Variants in RRAGB observed in about 807,000 individuals in gnomAD.
RRAGB encodes ras-related GTP-binding protein B.
RRAGB carries 6 observed loss-of-function variants against 29.3 expected under a neutral mutation model. The ratio of observed to expected loss-of-function variants is 0.21; its 90% CI spans 0.11 to 0.40. RRAGB has a LOEUF of 0.40. Ranked by LOEUF, RRAGB falls within the 10% of genes least tolerant of loss-of-function variation. The pLI, the probability that RRAGB is intolerant of heterozygous loss-of-function variation, is 1.00. For synonymous variants in RRAGB, 101 were observed against 92.5 expected (o/e 1.09, Z -0.53); for missense variants, 184 against 272.9 (o/e 0.67, Z 2.29).
intron 5 of RRAGB, among the ~76,000 whole-genome samples, chrX:55,740,319 T>G (rs1036673468): frequency 3.4e-4 from 37 of 108,345 alleles, no homozygotes; most frequent in African/African-American, 1.3e-3. Flanking sequence ...CAAGACTCCA[T>G]CTCAAAAAAA....
intron 3 of RRAGB, 93 bp downstream of exon 3, chrX:55,722,378 A>AG (rs1376053283): frequency 1.8e-6 from 1 of 550,649 alleles, no homozygotes; most frequent in East Asian, 3.4e-5. Context: ...GGATGCAGAG[A>AG]GGTTGGGGAA....
intron 5 of RRAGB, among the ~76,000 whole-genome samples, chrX:55,735,212 G>T (rs1213160460): frequency 8.9e-6 from 1 of 111,782 alleles, no homozygotes; most frequent in East Asian, 2.8e-4. Flanking sequence ...GCTGTCCATG[G>T]CGTGTTGTAG....
rs779920220 is a variant in RRAGB at position 55,726,576 on chromosome X, G to A, written c.227-2718G>A. On this transcript the variant is annotated intron_variant, in intron 3 of 9. Transcript: ENST00000374941. ...GGGCTAGGGTGATGATAGTGGATAT[G>A]GTGAGAAGCAAATGGATTTGAGATC... Among the ~76,000 whole-genome samples the A allele has an allele frequency of 9.9e-5, 11 of 111,044 alleles. No homozygotes were observed. In the South Asian group the frequency reaches 4.2e-3, roughly 42 times the overall value.
intron 6 of RRAGB, among the ~76,000 whole-genome samples, chrX:55,752,829 G>T (rs1339612388): frequency 8.9e-6 from 1 of 111,995 alleles, no homozygotes; most frequent in Non-Finnish European, 1.9e-5. Context: ...GAATTCAATT[G>T]GATCAATAAT....
chrX:55,720,894 AAAAG>A (rs777099503), intron 2 of RRAGB, among the ~76,000 whole-genome samples: 37 of 111,593 alleles, frequency 3.3e-4, no homozygotes, highest in Non-Finnish European at 4.0e-4. Flanking sequence ...AATAAAATAA[AAAAG>A]AAAGAACGAA....
At chrX:55,751,235 T>C (rs760036251) in intron 6 of RRAGB, 39 bp downstream of exon 6, 2 of 764,580 alleles carry the variant, frequency 2.6e-6, no homozygotes, top group Admixed American at 3.0e-5. Context: ...TTTAAGAGCA[T>C]GAAAAAAAAC....
intron 5 of RRAGB, among the ~76,000 whole-genome samples, chrX:55,739,508 A>C (rs747010609): frequency 6.3e-5 from 7 of 111,344 alleles, no homozygotes; most frequent in Non-Finnish European, 1.1e-4. Context: ...CACCAAATCA[A>C]CTGCAGTGCT....
In RRAGB at chrX:55,751,131, C is replaced by T. The variant is rs2034511530; in HGVS notation, c.547C>T (p.Arg183Cys). The part of the protein sequence containing the change: ...IFKEREEDLR[R>C]LSRPLECSCF... ...TAAAGAGCGAGAAGAAGATTTGAGG[C>T]GTTTGTCTCGCCCATTGGAATGTTC... The change falls in exon 6 of 10, where the codon CGT becomes TGT. Residue 183 changes from arginine (R) to cysteine (C), a missense_variant. Arg to Cys is a radical substitution (Grantham distance 180). Coordinates refer to ENST00000374941, the MANE Select transcript of RRAGB (RefSeq NM_006064.5). The T allele has an allele frequency of 2.5e-6, 3 of 1,194,941 alleles. No individual in the cohort carries two copies. The highest frequency in any genetic ancestry group is 1.8e-5 in the African/African-American group (1 of 56,778).
chrX:55,733,431 G>A (rs1231391418), intron 5 of RRAGB, among the ~76,000 whole-genome samples: 1 of 112,028 alleles, frequency 8.9e-6, no homozygotes, highest in African/African-American at 3.2e-5. Flanking sequence ...GATGTTGGCT[G>A]TGGGTTTCTC....
chrX:55,723,299 G>A (rs915654653), intron 3 of RRAGB, among the ~76,000 whole-genome samples: 3 of 110,071 alleles, frequency 2.7e-5, no homozygotes, highest in Non-Finnish European at 3.8e-5. Context: ...CCACAACGAC[G>A]CCCAGCTAAT....
At chrX:55,757,356 G>T in intron 9 of RRAGB, 25 bp downstream of exon 9, 1 of 923,838 alleles carries the variant, frequency 1.1e-6, no homozygotes, top group Non-Finnish European at 1.5e-6. Flanking sequence ...AGCTGACCTA[G>T]GTTCAAAGCC....
intron 7 of RRAGB, chrX:55,755,129 T>A: frequency 2.7e-6 from 2 of 750,874 alleles, no homozygotes; most frequent in South Asian, 6.8e-5. Context: ...AAGGGGGATT[T>A]GTTCTTCCAC....
intron 3 of RRAGB, among the ~76,000 whole-genome samples, chrX:55,723,800 C>G (rs761778474): frequency 9.0e-6 from 1 of 110,963 alleles, no homozygotes; most frequent in Non-Finnish European, 1.9e-5. Context: ...TCAGGTGATC[C>G]GCCTGCCTCG....
At chrX:55,730,742 A>G (rs2033648849) in intron 4 of RRAGB, among the ~76,000 whole-genome samples, 1 of 111,934 alleles carries the variant, frequency 8.9e-6, no homozygotes, top group South Asian at 3.7e-4. Flanking sequence ...AATGAAGGAT[A>G]GTAACAGACA....
Position 55,718,206 on chromosome X carries a change from C to A in RRAGB, c.-122C>A. ...AGGCGGAGGCAAGAATAGAGCAGGC[C>A]TGAGGGCCATAGGCGATGAGAATAG... On this transcript the variant is annotated 5_prime_UTR_variant, in exon 1 of 10. The change creates a new upstream start codon in the 5' untranslated region. Coordinates refer to ENST00000374941, the MANE Select transcript of RRAGB (RefSeq NM_006064.5). The A allele has an allele frequency of 2.1e-6, 1 of 481,492 alleles. No individual in the cohort carries two copies. Among genetic ancestry groups the A allele is most frequent in the Non-Finnish European group, 3.4e-6 (1 of 297,886 alleles). The allele number at this position is 481,492 out of a possible 1,213,427, so 39.7% of individuals were successfully genotyped here.
intron 5 of RRAGB, among the ~76,000 whole-genome samples, chrX:55,735,772 C>T (rs746339272): frequency 8.9e-6 from 1 of 112,371 alleles, no homozygotes; most frequent in Non-Finnish European, 1.9e-5. Context: ...ATATTTAGAA[C>T]TCCTTTTGCA....
intron 3 of RRAGB, among the ~76,000 whole-genome samples, chrX:55,725,196 T>C (rs940321314): frequency 2.7e-5 from 3 of 112,091 alleles, no homozygotes; most frequent in African/African-American, 6.5e-5. Flanking sequence ...GCAAGTACTT[T>C]TCTGAAACTT....
intron 8 of RRAGB, among the ~76,000 whole-genome samples, chrX:55,756,883 A>G (rs1240625770): frequency 1.8e-5 from 2 of 111,495 alleles, no homozygotes; most frequent in Admixed American, 1.9e-4. Context: ...TTGAGCCAGG[A>G]TTTCAAGGCT....
chrX:55,724,316 G>GTT (rs1369876997), intron 3 of RRAGB, among the ~76,000 whole-genome samples: 1 of 111,906 alleles, frequency 8.9e-6, no homozygotes, highest in Non-Finnish European at 1.9e-5. Flanking sequence ...GTGAAATCCA[G>GTT]AACAAGTCCA....
Sources: allele counts gnomAD v4.1 joint callset (sites outside exome capture counted in the v4.1 genomes callset), GRCh38; gene constraint gnomAD v4.1.1; transcripts MANE v1.5; gene names NCBI Gene and HGNC (gene_info 2026-07-23, HGNC 2026-07-21).